COX6C: variants seen among roughly 807,000 people sequenced by gnomAD.
The protein encoded by COX6C is cytochrome c oxidase subunit 6C.
COX6C carries 3 observed loss-of-function variants against 6.9 expected under a neutral mutation model. The ratio of observed to expected loss-of-function variants is 0.43; its 90% CI spans 0.20 to 1.12. The LOEUF (loss-of-function observed/expected upper bound fraction) is 1.12. COX6C is among the 50% of genes most tolerant of loss of function. The pLI, the probability that COX6C is intolerant of heterozygous loss-of-function variation, is 0.27. For missense variants in COX6C, 101 were observed against 97.3 expected, an observed-to-expected ratio of 1.04 and a Z score of -0.16; for synonymous variants, 32 against 32.0, an observed-to-expected ratio of 1.00 and a Z score of 0.00.
intron 1 of COX6C, among the ~76,000 whole-genome samples, chr8:99,892,813 T>C (rs1162811408): frequency 6.6e-6 from 1 of 152,212 alleles, no homozygotes; most frequent in Non-Finnish European, 1.5e-5. Flanking sequence ...GCATTGGTAA[T>C]TAACGATTGC....
intron 1 of COX6C, chr8:99,892,931 G>A (rs1818077085): frequency 6.6e-6 from 1 of 152,248 alleles, no homozygotes; most frequent in Non-Finnish European, 1.5e-5. Flanking sequence ...CGGTCACACG[G>A]TATACCATTA....
At position 99,887,601 on chromosome 8, in the gene COX6C, T is replaced by C; in HGVS notation, c.132A>G (p.Gln44=). The C allele has an allele frequency of 6.2e-7, 1 of 1,600,778 alleles. No homozygotes were observed. The highest frequency in any genetic ancestry group is 8.5e-7 in the Non-Finnish European group (1 of 1,176,656). The change falls in exon 3 of 4, where the codon CAA becomes CAG. Residue 44 remains glutamine (Q), a synonymous_variant. Transcript: ENST00000520468. ...AGAAATCTGCGTATGCCTTCTTTCT[T>C]TGATCAGCCACACGAAACTAAAAAG... is the stretch of plus-strand genomic sequence containing the variant. The part of the protein sequence containing the change: ...AALYKFRVAD[Q]RKKAYADFYR...
At chr8:99,892,582 C>A (rs1407348580) in intron 1 of COX6C, among the ~76,000 whole-genome samples, 2 of 152,074 alleles carry the variant, frequency 1.3e-5, no homozygotes, top group African/African-American at 4.8e-5. Context: ...AATTCTCATG[C>A]ATAGTACATT....
At chr8:99,892,658 TGGCTTA>T (rs1261436332) in intron 1 of COX6C, among the ~76,000 whole-genome samples, 1 of 152,140 alleles carries the variant, frequency 6.6e-6, no homozygotes, top group Non-Finnish European at 1.5e-5. Flanking sequence ...AGCTGTCTCT[TGGCTTA>T]GCCTGTTTCA....
At chr8:99,891,342 G>A (rs761400998) in intron 2 of COX6C, among the ~76,000 whole-genome samples, 10 of 152,118 alleles carry the variant, frequency 6.6e-5, no homozygotes, top group Non-Finnish European at 8.8e-5. Context: ...CTTGAGCCCA[G>A]GAGTTCAAGA....
At chr8:99,892,564 T>C (rs1198220773) in intron 1 of COX6C, among the ~76,000 whole-genome samples, 2 of 151,984 alleles carry the variant, frequency 1.3e-5, no homozygotes, top group East Asian at 1.9e-4. Flanking sequence ...AGAAAAGATA[T>C]CAAAAGGAAT....
At chr8:99,883,411 ATG>A (rs1239242582) in intron 3 of COX6C, among the ~76,000 whole-genome samples, 2 of 149,642 alleles carry the variant, frequency 1.3e-5, no homozygotes, top group Admixed American at 6.6e-5. Context: ...GTGTATATAT[ATG>A]TGTGTGTGTG....
intron 2 of COX6C, among the ~76,000 whole-genome samples, chr8:99,889,182 CT>C (rs747678565): frequency 6.6e-6 from 1 of 152,162 alleles, no homozygotes; most frequent in Non-Finnish European, 1.5e-5. Flanking sequence ...CAGCAGGAAT[CT>C]CAAGGACCAA....
chr8:99,886,099 C>G (rs552224894), intron 3 of COX6C: 1 of 152,200 alleles, frequency 6.6e-6, no homozygotes, highest in Admixed American at 6.5e-5. Flanking sequence ...TCAAAAAATA[C>G]CAAAATTATG....
intron 3 of COX6C, chr8:99,878,583 C>T (rs1189779185): frequency 7.2e-5 from 11 of 152,016 alleles, no homozygotes; most frequent in Non-Finnish European, 1.5e-4. Context: ...CCCCCACCCC[C>T]CTGCCATTAA....
intron 2 of COX6C, among the ~76,000 whole-genome samples, chr8:99,888,335 G>A (rs1181768535): frequency 2.0e-5 from 3 of 152,062 alleles, no homozygotes; most frequent in Admixed American, 2.0e-4. Context: ...CACTTTGGGA[G>A]GCCAAGGGGG....
intron 1 of COX6C, among the ~76,000 whole-genome samples, chr8:99,892,650 CTGTCTCTTGGCTTAGCCTGT>C (rs1006552772): frequency 6.6e-6 from 1 of 152,154 alleles, no homozygotes; most frequent in African/African-American, 2.4e-5. Context: ...AAAGCCTAAG[CTGTCTCTTGGCTTAGCCTGT>C]TTCATCTTCC....
In COX6C at chr8:99,890,012, T is replaced by C. The variant is rs1046007690; in HGVS notation, c.114+1896A>G. 4.0e-5 allele frequency among the ~76,000 whole-genome samples: 6 copies of C among 151,582 alleles called. No individual in the cohort carries two copies. In the East Asian group the frequency reaches 1.2e-3, roughly 30 times the overall value. On this transcript the variant is annotated intron_variant, in intron 2 of 3. Transcript: ENST00000520468. ...AGGAGGCTGAGGCAGGAGAATGGCGTGAACCCGGGAGGCGGAGCTTGCACT... is the reference window on the plus strand; with the variant it reads ...AGGAGGCTGAGGCAGGAGAATGGCGCGAACCCGGGAGGCGGAGCTTGCACT...
intron 3 of COX6C, among the ~76,000 whole-genome samples, chr8:99,883,467 A>ATTTT (rs1420791344): frequency 5.6e-5 from 8 of 143,828 alleles, no homozygotes; most frequent in African/African-American, 2.2e-4. Flanking sequence ...ATATATATAT[A>ATTTT]TATATTTTTT....
chr8:99,879,512 AC>A (rs1817823982), intron 3 of COX6C, among the ~76,000 whole-genome samples: 1 of 152,166 alleles, frequency 6.6e-6, no homozygotes. Context: ...CCAAACCCCC[AC>A]AAAAAATAAT....
At chr8:99,888,013 C>T (rs1817969588) in intron 2 of COX6C, among the ~76,000 whole-genome samples, 2 of 150,288 alleles carry the variant, frequency 1.3e-5, no homozygotes, top group Admixed American at 6.6e-5. Flanking sequence ...ATGGCGTGAA[C>T]CCGGGAGACG....
At chr8:99,888,037 G>A (rs1817970160) in intron 2 of COX6C, among the ~76,000 whole-genome samples, 1 of 146,468 alleles carries the variant, frequency 6.8e-6, no homozygotes, top group Non-Finnish European at 1.5e-5. Context: ...GTTGCAGTGA[G>A]CCGAGATCTC....
chr8:99,887,768 A>G (rs1454835676), intron 2 of COX6C, 150 bp from the exon 3 acceptor site: 1 of 497,378 alleles, frequency 2.0e-6, no homozygotes, highest in Non-Finnish European at 3.4e-6. Flanking sequence ...GTGGTGACAG[A>G]TAAAAAGGAA....
At chr8:99,883,835 T>A (rs1817905116) in intron 3 of COX6C, among the ~76,000 whole-genome samples, 1 of 152,168 alleles carries the variant, frequency 6.6e-6, no homozygotes, top group Admixed American at 6.5e-5. Context: ...GTGGGATTTA[T>A]CCCTAGGATG....
Sources: gnomAD v4.1 joint callset for allele counts (sites outside exome capture counted in the v4.1 genomes callset) on GRCh38, gnomAD v4.1.1 for gene constraint, MANE v1.5 for transcripts, NCBI Gene and HGNC (gene_info 2026-07-23, HGNC 2026-07-21) for gene names.